Variants in DLGAP1 observed in about 807,000 individuals in gnomAD.
DLGAP1 encodes the protein DLG associated protein 1.
A neutral mutation model predicts 90.8 loss-of-function variants in DLGAP1; 11 were observed. That is an observed-to-expected ratio of 0.12 (90% CI 0.08 to 0.20). The LOEUF is 0.20. Among genes scored for constraint, DLGAP1 ranks in the 10% least tolerant of loss-of-function variants. The probability of loss-of-function intolerance (pLI) is 1.00; values close to 1 mark genes in which losing one functional copy is unlikely to be tolerated. For synonymous variants in DLGAP1, 558 were observed against 540.7 expected, an observed-to-expected ratio of 1.03 and a Z score of -0.44; for missense variants, 1,050 against 1,333.8, an observed-to-expected ratio of 0.79 and a Z score of 3.31.
At chr18:3,633,391 GA>G (rs1413014100) in intron 7 of DLGAP1, among the ~76,000 whole-genome samples, 2 of 135,460 alleles carry the variant, frequency 1.5e-5, no homozygotes, top group East Asian at 4.3e-4. Flanking sequence ...GACAGAGCTA[GA>G]CTTCATCTCA....
intron 1 of DLGAP1, among the ~76,000 whole-genome samples, chr18:4,400,490 G>A (rs1232782719): frequency 6.6e-6 from 1 of 152,222 alleles, no homozygotes; most frequent in African/African-American, 2.4e-5. Context: ...GAAACTGTCA[G>A]GTTGGCTCTT....
intron 7 of DLGAP1, among the ~76,000 whole-genome samples, chr18:3,706,841 C>T (rs60485334): frequency 0.045 from 6,912 of 152,012 alleles, 260 homozygotes; most frequent in East Asian, 0.21. Context: ...TAAACTAATA[C>T]GTCCTGGTAG....
At chr18:4,068,894 T>C (rs367830445) in intron 2 of DLGAP1, among the ~76,000 whole-genome samples, 2 of 152,168 alleles carry the variant, frequency 1.3e-5, no homozygotes, top group East Asian at 1.9e-4. Flanking sequence ...TGCAGGCTTG[T>C]TGTCTCTCTG....
chr18:3,583,143 GACCTACCTACCT>G (rs764967145), intron 7 of DLGAP1, among the ~76,000 whole-genome samples: 160 of 113,694 alleles, frequency 1.4e-3, no homozygotes, highest in African/African-American at 2.8e-3. Context: ...CTGACTGACC[GACCTACCTACCT>G]ACCTACCTAC....
At chr18:3,696,332 T>A (rs1294771701) in intron 7 of DLGAP1, among the ~76,000 whole-genome samples, 1 of 152,198 alleles carries the variant, frequency 6.6e-6, no homozygotes, top group African/African-American at 2.4e-5. Context: ...TGGCTGTGGG[T>A]TTGTCATAAA....
chr18:4,305,099 C>A (rs2080217426), intron 1 of DLGAP1, among the ~76,000 whole-genome samples: 1 of 152,180 alleles, frequency 6.6e-6, no homozygotes, highest in South Asian at 2.1e-4. Context: ...CTATCATGTG[C>A]CAGGACCTGT....
At chr18:3,741,358 A>ACC (rs1568050706) in intron 6 of DLGAP1, among the ~76,000 whole-genome samples, 2,262 of 131,660 alleles carry the variant, frequency 0.017, 80 homozygotes, top group African/African-American at 0.069. Flanking sequence ...CCACCACCAC[A>ACC]TCACCATCAC....
At chr18:3,745,887 C>T (rs1413314669) in intron 5 of DLGAP1, among the ~76,000 whole-genome samples, 18 of 151,998 alleles carry the variant, frequency 1.2e-4, no homozygotes, top group Admixed American at 2.0e-4. Flanking sequence ...AGGGGTTACA[C>T]CATGTTGGCC....
At chr18:4,070,876 A>G (rs1463081170) in intron 2 of DLGAP1, among the ~76,000 whole-genome samples, 2 of 152,136 alleles carry the variant, frequency 1.3e-5, no homozygotes, top group Non-Finnish European at 2.9e-5. Flanking sequence ...AAAATAAAAA[A>G]GTGAGTATTA....
intron 7 of DLGAP1, among the ~76,000 whole-genome samples, chr18:3,586,453 G>A (rs550711346): frequency 1.8e-3 from 270 of 152,130 alleles, no homozygotes; most frequent in African/African-American, 6.4e-3. Flanking sequence ...TCCAGTCATG[G>A]GCTAGGAAGG....
At chr18:4,090,667 A>C (rs1176181712) in intron 2 of DLGAP1, among the ~76,000 whole-genome samples, 1 of 152,220 alleles carries the variant, frequency 6.6e-6, no homozygotes, top group African/African-American at 2.4e-5. Context: ...TACTTTAATC[A>C]CTGTGGAAAA....
intron 4 of DLGAP1, among the ~76,000 whole-genome samples, chr18:3,857,614 C>T (rs938039733): frequency 6.6e-6 from 1 of 152,142 alleles, no homozygotes; most frequent in Non-Finnish European, 1.5e-5. Context: ...TTCTTGAAAT[C>T]CTCTTCGTCT....
chr18:4,102,086 T>C (rs1322055752), intron 2 of DLGAP1, among the ~76,000 whole-genome samples: 3 of 152,160 alleles, frequency 2.0e-5, no homozygotes, highest in Non-Finnish European at 4.4e-5. Context: ...TGCTTTAACA[T>C]ATACCAATGT....
intron 1 of DLGAP1, among the ~76,000 whole-genome samples, chr18:4,348,378 G>A (rs1443195703): frequency 1.4e-5 from 2 of 146,700 alleles, no homozygotes; most frequent in Admixed American, 6.8e-5. Flanking sequence ...CTGGAATCAG[G>A]TGCCTCAGGA....
chr18:3,630,223 A>G (rs1214482392), intron 7 of DLGAP1, among the ~76,000 whole-genome samples: 1 of 152,158 alleles, frequency 6.6e-6, no homozygotes, highest in Admixed American at 6.5e-5. Flanking sequence ...GGAATAGAAT[A>G]AAAAGACTGA....
intron 2 of DLGAP1, among the ~76,000 whole-genome samples, chr18:4,121,393 T>C (rs912666107): frequency 6.6e-6 from 1 of 152,104 alleles, no homozygotes; most frequent in South Asian, 2.1e-4. Flanking sequence ...CCTAGGCCCA[T>C]CCAGGCACTT....
chr18:4,122,329 T>C (rs1467723600), intron 2 of DLGAP1, among the ~76,000 whole-genome samples: 1 of 152,230 alleles, frequency 6.6e-6, no homozygotes, highest in Admixed American at 6.5e-5. Context: ...TAAATGATAG[T>C]TCACTTTAGT....
chr18:4,453,284 T>G lies in DLGAP1; in HGVS notation c.-267+1722A>C, dbSNP rs73943553. On this transcript the variant is annotated intron_variant, in intron 1 of 12. Transcript: ENST00000315677. ...GGGTAGCGTTTATAACTTAAACTTT[T>G]TAAAATCATACATTTTGCATAGACA... Among the ~76,000 whole-genome samples the G allele has an allele frequency of 3.3e-3, 508 of 152,302 alleles. 4 individuals are homozygous for G. The highest frequency in any genetic ancestry group is 0.011 in the African/African-American group (453 of 41,574).
chr18:4,426,638 G>C (rs1201063285), intron 1 of DLGAP1, among the ~76,000 whole-genome samples: 1 of 152,168 alleles, frequency 6.6e-6, no homozygotes. Context: ...TCCATAAAAT[G>C]TGGACAAGAA....
Sources: allele counts gnomAD v4.1 joint callset (sites outside exome capture counted in the v4.1 genomes callset), GRCh38; gene constraint gnomAD v4.1.1; transcripts MANE v1.5; gene names NCBI Gene and HGNC (gene_info 2026-07-23, HGNC 2026-07-21).